The following SAMD5 variants were observed in gnomAD, a reference collection of about 807,000 sequenced individuals.
SAMD5 encodes sterile alpha motif domain-containing protein 5.
A neutral mutation model predicts 11.3 loss-of-function variants in SAMD5; 13 were observed. That is an observed-to-expected ratio of 1.15 (90% CI 0.75 to 1.83). The LOEUF is 1.83. SAMD5 is among the 40% of genes most tolerant of loss of function. The pLI, the probability that SAMD5 is intolerant of heterozygous loss-of-function variation, is 0.00. For missense variants in SAMD5, 255 were observed against 239.1 expected (o/e 1.07, Z -0.44); for synonymous variants, 129 against 111.3 (o/e 1.16, Z -1.00).
intron 1 of SAMD5, among the ~76,000 whole-genome samples, chr6:147,561,228 C>T (rs1480008375): frequency 6.6e-6 from 1 of 152,140 alleles, no homozygotes; most frequent in Non-Finnish European, 1.5e-5. Context: ...GAGTCTCTGT[C>T]ACCAGGCTGG....
chr6:147,564,041 G>A (rs1052681295), intron 1 of SAMD5, among the ~76,000 whole-genome samples: 4 of 152,130 alleles, frequency 2.6e-5, no homozygotes, highest in East Asian at 1.9e-4. Context: ...CGTTGCTAAC[G>A]TGTAGTACTG....
chr6:147,509,195 C>G lies in SAMD5; in HGVS notation c.267C>G (p.Ala89=). The change falls in exon 1 of 2, where the codon GCC becomes GCG. Residue 89 remains alanine (A), a synonymous_variant. Coordinates refer to ENST00000367474, the MANE Select transcript of SAMD5 (RefSeq NM_001030060.3). ...QPAPPGPPAD[A]VPTGRRGEPC... is the part of the protein sequence containing the mutation. ...CGCCCCCCGGGCCGCCCGCCGACGC[C>G]GTCCCCACCGGCCGCCGGGGGGAGC... The G allele has an allele frequency of 7.7e-7, 1 of 1,291,646 alleles. No homozygotes were observed. Among genetic ancestry groups the G allele is most frequent in the Non-Finnish European group, 9.8e-7 (1 of 1,021,856 alleles). 80.0% of individuals were successfully genotyped at this position (1,291,646 alleles called of 1,614,324 possible).
At chr6:147,574,129 A>G (rs547403497), downstream of SAMD5, among the ~76,000 whole-genome samples, 26 of 147,746 alleles carry the variant, frequency 1.8e-4, no homozygotes, top group African/African-American at 6.0e-4. Context: ...CTGTGTCTCA[A>G]AAAAAAAAAA....
the SAMD5 span, among the ~76,000 whole-genome samples, chr6:147,769,188 T>C: frequency 6.6e-6 from 1 of 152,238 alleles, no homozygotes; most frequent in Admixed American, 6.5e-5. Context: ...AAAGAGACTG[T>C]GCCTGGCCCT....
the SAMD5 span, among the ~76,000 whole-genome samples, chr6:147,780,846 C>T: frequency 6.6e-6 from 1 of 152,124 alleles, no homozygotes; most frequent in African/African-American, 2.4e-5. Context: ...GGACTTGAGA[C>T]CTTGCTGAGC....
the SAMD5 span, among the ~76,000 whole-genome samples, chr6:147,785,299 C>T: frequency 5.6e-4 from 86 of 152,286 alleles, no homozygotes; most frequent in African/African-American, 1.9e-3. Flanking sequence ...CCTAGAACTC[C>T]TCCTCATTGT....
At chr6:147,635,742 G>T (rs1790221158) in intron 1 of SAMD5, among the ~76,000 whole-genome samples, 1 of 152,168 alleles carries the variant, frequency 6.6e-6, no homozygotes, top group Non-Finnish European at 1.5e-5. Flanking sequence ...TGATCCATGA[G>T]AAGAGGATGC....
the SAMD5 span, among the ~76,000 whole-genome samples, chr6:147,797,922 A>G: frequency 6.6e-6 from 1 of 150,556 alleles, no homozygotes; most frequent in African/African-American, 2.4e-5. Context: ...TATCCCCTTT[A>G]TCATTTTTTA....
chr6:147,707,238 A>G (rs889095758), intron 1 of SAMD5, among the ~76,000 whole-genome samples: 2 of 152,218 alleles, frequency 1.3e-5, no homozygotes, highest in African/African-American at 4.8e-5. Flanking sequence ...TCTTCAGCTA[A>G]TTTTTATGTT....
chr6:147,582,464 T>G (rs1419635805), intron 1 of SAMD5, among the ~76,000 whole-genome samples: 1 of 152,218 alleles, frequency 6.6e-6, no homozygotes, highest in Non-Finnish European at 1.5e-5. Flanking sequence ...AGTCTATATA[T>G]TCCTCAAGTG....
chr6:147,928,968 G>A, the SAMD5 span, among the ~76,000 whole-genome samples: 1 of 142,644 alleles, frequency 7.0e-6, no homozygotes, highest in African/African-American at 2.8e-5. Flanking sequence ...ATAATTATGT[G>A]GTTTTGAGTG....
At chr6:147,925,287 A>G in the SAMD5 span, among the ~76,000 whole-genome samples, 2 of 152,164 alleles carry the variant, frequency 1.3e-5, no homozygotes, top group African/African-American at 4.8e-5. Context: ...TCCAACTGCA[A>G]GTTAAAAAGA....
chr6:147,835,919 C>G, the SAMD5 span, among the ~76,000 whole-genome samples: 19 of 152,228 alleles, frequency 1.2e-4, no homozygotes, highest in African/African-American at 4.6e-4. Flanking sequence ...TTCTGCCCCT[C>G]ATTCCTAAAG....
the SAMD5 span, among the ~76,000 whole-genome samples, chr6:147,855,836 C>A: frequency 6.6e-6 from 1 of 152,124 alleles, no homozygotes; most frequent in African/African-American, 2.4e-5. Flanking sequence ...AGATTCAATG[C>A]AATACCACCA....
chr6:147,663,685 A>G (rs908377153), intron 1 of SAMD5, among the ~76,000 whole-genome samples: 10 of 150,786 alleles, frequency 6.6e-5, no homozygotes, highest in Admixed American at 2.0e-4. Context: ...CCGGCTACTC[A>G]GGAGGCTGAG....
intron 1 of SAMD5, among the ~76,000 whole-genome samples, chr6:147,637,551 C>A (rs1343669703): frequency 1.3e-5 from 2 of 152,164 alleles, no homozygotes; most frequent in Admixed American, 1.3e-4. Flanking sequence ...CCCAGATGTG[C>A]CAAGGTATTT....
intron 1 of SAMD5, among the ~76,000 whole-genome samples, chr6:147,686,257 C>T (rs886585493): frequency 1.3e-5 from 2 of 152,140 alleles, no homozygotes; most frequent in African/African-American, 2.4e-5. Flanking sequence ...CTTCAGCACT[C>T]TGTGGTATCT....
rs1266575315 is a variant in SAMD5 at position 147,551,773 on chromosome 6, T to C, written c.460-12621T>C. On this transcript the variant is annotated intron_variant, in intron 1 of 1. Coordinates refer to ENST00000367474, the MANE Select transcript of SAMD5 (RefSeq NM_001030060.3). Reference sequence around the variant, plus strand: ...AAATGAAAAGCACAGAAGAAAAGAATTGGAGACCTTATTCTTAAATGTGAT... The same window carrying C: ...AAATGAAAAGCACAGAAGAAAAGAACTGGAGACCTTATTCTTAAATGTGAT... Among the ~76,000 whole-genome samples, 4 of 148,358 alleles carry C rather than the reference T, an allele frequency of 2.7e-5. No individual in the cohort carries two copies. The East Asian group carries it at 7.8e-4, about 29-fold the overall frequency.
At chr6:147,714,785 C>CA (rs1476600740) in intron 1 of SAMD5, among the ~76,000 whole-genome samples, 2 of 151,860 alleles carry the variant, frequency 1.3e-5, no homozygotes, top group African/African-American at 4.8e-5. Flanking sequence ...GTAGGAATGC[C>CA]AAAAAAACGA....
Sources: gnomAD v4.1 joint callset for allele counts (sites outside exome capture counted in the v4.1 genomes callset) on GRCh38, gnomAD v4.1.1 for gene constraint, MANE v1.5 for transcripts, NCBI Gene and HGNC (gene_info 2026-07-23, HGNC 2026-07-21) for gene names.